The following HS2ST1 variants were observed in gnomAD, a reference collection of about 807,000 sequenced individuals.
HS2ST1 encodes heparan sulfate 2-O-sulfotransferase 1.
HS2ST1 carries 18 observed loss-of-function variants against 42.9 expected under a neutral mutation model. The ratio of observed to expected loss-of-function variants is 0.42; its 90% confidence interval spans 0.29 to 0.62. HS2ST1 has a LOEUF of 0.62. Among genes scored for constraint, HS2ST1 ranks in the 20% least tolerant of loss-of-function variants. The pLI is 0.21. For missense variants in HS2ST1, 334 were observed against 433.8 expected (o/e 0.77, Z 2.04); for synonymous variants, 146 against 152.9 (o/e 0.95, Z 0.33).
chr1:86,918,558 C>T (rs1000520025), intron 1 of HS2ST1, among the ~76,000 whole-genome samples: 1 of 151,838 alleles, frequency 6.6e-6, no homozygotes, highest in East Asian at 1.9e-4. Context: ...TAGGAAACAT[C>T]CTTATGTGTC....
At chr1:87,019,666 T>A (rs1258991808) in intron 1 of HS2ST1, among the ~76,000 whole-genome samples, 1 of 152,204 alleles carries the variant, frequency 6.6e-6, no homozygotes, top group African/African-American at 2.4e-5. Flanking sequence ...TAGCTAAATA[T>A]CACTTTATGA....
At chr1:86,917,898 C>T (rs886499143) in intron 1 of HS2ST1, among the ~76,000 whole-genome samples, 3 of 152,212 alleles carry the variant, frequency 2.0e-5, no homozygotes, top group Admixed American at 1.3e-4. Flanking sequence ...CCCAATGAAA[C>T]AACTGAATTA....
chr1:87,030,766 C>G (rs1650215131), intron 1 of HS2ST1, among the ~76,000 whole-genome samples: 1 of 152,070 alleles, frequency 6.6e-6, no homozygotes. Context: ...AAAAATTTCA[C>G]AGACAAATAT....
At chr1:87,007,440 C>T (rs776487638) in intron 1 of HS2ST1, among the ~76,000 whole-genome samples, 9 of 151,924 alleles carry the variant, frequency 5.9e-5, no homozygotes, top group Non-Finnish European at 1.0e-4. Flanking sequence ...AGGCATGGCC[C>T]CTAAGTTATT....
At chr1:86,992,786 G>C (rs1648996736) in intron 1 of HS2ST1, among the ~76,000 whole-genome samples, 1 of 152,198 alleles carries the variant, frequency 6.6e-6, no homozygotes, top group Non-Finnish European at 1.5e-5. Context: ...TACAAATTTA[G>C]TTAACGTAAG....
intron 1 of HS2ST1, among the ~76,000 whole-genome samples, chr1:87,029,626 G>A (rs1434452644): frequency 6.6e-6 from 1 of 152,170 alleles, no homozygotes; most frequent in Non-Finnish European, 1.5e-5. Flanking sequence ...ACCATGTCAT[G>A]TACAGTTTCT....
In HS2ST1 at chr1:86,915,132, G is replaced by T; in HGVS notation, c.96G>T (p.Gln32His). 4 of 1,614,088 alleles carry T rather than the reference G, an allele frequency of 2.5e-6. No homozygotes were observed. The highest frequency in any genetic ancestry group is 3.4e-6 in the Non-Finnish European group (4 of 1,179,946). The change falls in exon 1 of 7, where the codon CAG (glutamine) becomes CAT (histidine). Residue 32 changes from glutamine to histidine, a missense_variant. Physicochemically the swap from Gln to His is conservative, Grantham distance 24. Coordinates refer to ENST00000370550, the MANE Select transcript of HS2ST1 (RefSeq NM_012262.4). The stretch of plus-strand genomic sequence containing the variant: ...TGCTCTTCTTGGAAAACCAGATCCA[G>T]AAACTGGAGGAGTCCCGCTCGAAGC... The part of the protein sequence containing the change: ...VAMLFLENQI[Q>H]KLEESRSKLE...
intron 5 of HS2ST1, among the ~76,000 whole-genome samples, chr1:87,100,160 T>C (rs1652164958): frequency 1.3e-5 from 2 of 152,124 alleles, no homozygotes; most frequent in Admixed American, 1.3e-4. Context: ...CCTGTTTGAG[T>C]CTTTGTGTGG....
intron 1 of HS2ST1, among the ~76,000 whole-genome samples, chr1:86,995,735 A>G (rs1485636953): frequency 6.6e-6 from 1 of 152,160 alleles, no homozygotes; most frequent in Non-Finnish European, 1.5e-5. Context: ...AACAGGAGAG[A>G]CAAGCTTCTG....
intron 1 of HS2ST1, among the ~76,000 whole-genome samples, chr1:86,965,119 CAGTAATAG>C (rs1353161969): frequency 2.0e-5 from 3 of 152,178 alleles, no homozygotes; most frequent in Admixed American, 2.0e-4. Flanking sequence ...ATGCATCTTT[CAGTAATAG>C]AGTAAGACAA....
At chr1:86,947,253 G>C (rs1429059506) in intron 1 of HS2ST1, among the ~76,000 whole-genome samples, 1 of 152,246 alleles carries the variant, frequency 6.6e-6, no homozygotes, top group Non-Finnish European at 1.5e-5. Context: ...GCAGCTTGCA[G>C]GACAGGCAGA....
chr1:86,959,460 C>A (rs1179565697), intron 1 of HS2ST1, among the ~76,000 whole-genome samples: 1 of 152,128 alleles, frequency 6.6e-6, no homozygotes, highest in East Asian at 1.9e-4. Context: ...GAGTTTAAGA[C>A]CAGCCTGGCT....
At chr1:86,970,247 T>C (rs1648191175) in intron 1 of HS2ST1, among the ~76,000 whole-genome samples, 1 of 152,194 alleles carries the variant, frequency 6.6e-6, no homozygotes, top group Non-Finnish European at 1.5e-5. Context: ...AATAATGTAT[T>C]AATGCAAATA....
rs552767385 is a variant in HS2ST1 at position 87,058,800 on chromosome 1, G to A, written c.125-14134G>A. ...CCGTTGGCTGGGTGCGGTGGCTCAC[G>A]ACTGTAATCCTGGCACTTTGGGAGG... On this transcript the variant is annotated intron_variant, in intron 1 of 6. Coordinates refer to ENST00000370550, the MANE Select transcript of HS2ST1 (RefSeq NM_012262.4). Among the ~76,000 whole-genome samples the A allele has an allele frequency of 9.0e-4, 136 of 151,694 alleles. No homozygotes were observed. The South Asian group carries it at 0.027, about 30-fold the overall frequency.
At chr1:87,071,705 G>C (rs1184331242) in intron 1 of HS2ST1, among the ~76,000 whole-genome samples, 1 of 150,536 alleles carries the variant, frequency 6.6e-6, no homozygotes, top group Non-Finnish European at 1.5e-5. Context: ...TCCAGCCTGG[G>C]TGACAAAGCG....
chr1:87,058,951 C>T (rs1463695593), intron 1 of HS2ST1, among the ~76,000 whole-genome samples: 1 of 151,682 alleles, frequency 6.6e-6, no homozygotes, highest in South Asian at 2.1e-4. Context: ...CCCAGCTACT[C>T]GGGAGGTTGA....
chr1:87,003,977 T>A (rs1649363058), intron 1 of HS2ST1, among the ~76,000 whole-genome samples: 1 of 152,228 alleles, frequency 6.6e-6, no homozygotes, highest in Non-Finnish European at 1.5e-5. Flanking sequence ...TTTTTAGTCC[T>A]CAGCTAACTT....
chr1:87,083,443 A>G (rs1381345046), intron 2 of HS2ST1, among the ~76,000 whole-genome samples: 1 of 152,188 alleles, frequency 6.6e-6, no homozygotes. Flanking sequence ...TGCTTATCAA[A>G]AATGTATACC....
At chr1:86,944,409 C>T (rs1647268458) in intron 1 of HS2ST1, among the ~76,000 whole-genome samples, 1 of 152,094 alleles carries the variant, frequency 6.6e-6, no homozygotes, top group Non-Finnish European at 1.5e-5. Flanking sequence ...GGCTGGAGTG[C>T]AGTGGCGTGA....
Sources: allele counts gnomAD v4.1 joint callset (sites outside exome capture counted in the v4.1 genomes callset), GRCh38; gene constraint gnomAD v4.1.1; transcripts MANE v1.5; gene names NCBI Gene and HGNC (gene_info 2026-07-23, HGNC 2026-07-21).